TDRD3: variants seen among roughly 807,000 people sequenced by gnomAD.
TDRD3 encodes the protein tudor domain containing 3.
In TDRD3, 45 loss-of-function variants were observed where a neutral mutation model predicts 86.7. The ratio of observed to expected loss-of-function variants is 0.52; its 90% CI spans 0.41 to 0.67. TDRD3 has a LOEUF of 0.67. TDRD3 is among the 30% of genes least tolerant of loss of function. The pLI, the probability that TDRD3 is intolerant of heterozygous loss-of-function variation, is 0.00. For missense variants in TDRD3, 814 were observed against 889.0 expected, an observed-to-expected ratio of 0.92 and a Z score of 1.07; for synonymous variants, 298 against 301.7, an observed-to-expected ratio of 0.99 and a Z score of 0.13.
chr13:60,536,692 C>G (rs569399636), intron 12 of TDRD3: 1 of 152,158 alleles, frequency 6.6e-6, no homozygotes, highest in East Asian at 1.9e-4. Context: ...TTTTAGAAGA[C>G]TTAGTAAGAG....
At chr13:60,517,278 C>A (rs1957193168) in intron 10 of TDRD3, among the ~76,000 whole-genome samples, 1 of 150,662 alleles carries the variant, frequency 6.6e-6, no homozygotes, top group Non-Finnish European at 1.5e-5. Context: ...AGGGACCTCA[C>A]AAAGGGAATG....
In TDRD3 at chr13:60,567,520, A is replaced by G; in HGVS notation, c.2119-5A>G. 3 of 1,614,088 alleles carry G rather than the reference A, an allele frequency of 1.9e-6. No individual in the cohort carries two copies. Among genetic ancestry groups the G allele is most frequent in the Non-Finnish European group, 1.7e-6 (2 of 1,180,006 alleles). On this transcript the variant is annotated splice_polypyrimidine_tract_variant and splice_region_variant and intron_variant, in intron 12 of 13. Coordinates refer to ENST00000377881, the MANE Select transcript of TDRD3 (RefSeq NM_001146070.2). ...ACATGTAAAATCACTACTCTTTGCA[A>G]ATAGGAGGAAGAAGGCACCTACGAT... is the stretch of plus-strand genomic sequence containing the variant.
At chr13:60,450,875 A>AT (rs1566200586) in intron 3 of TDRD3, among the ~76,000 whole-genome samples, 1 of 152,090 alleles carries the variant, frequency 6.6e-6, no homozygotes, top group Non-Finnish European at 1.5e-5. Flanking sequence ...TAGAGATGTG[A>AT]TTTTCAATGA....
At chr13:60,421,263 C>T (rs535753400) in intron 1 of TDRD3, among the ~76,000 whole-genome samples, 10 of 152,044 alleles carry the variant, frequency 6.6e-5, no homozygotes, top group Admixed American at 2.0e-4. Flanking sequence ...TGGCAGAAGA[C>T]GAAGGAGGAG....
intron 12 of TDRD3, among the ~76,000 whole-genome samples, chr13:60,566,021 T>A (rs936239426): frequency 6.6e-6 from 1 of 152,188 alleles, no homozygotes; most frequent in African/African-American, 2.4e-5. Flanking sequence ...AGTTATTTAA[T>A]TATACCAGAT....
chr13:60,477,031 T>C (rs9598135), intron 5 of TDRD3, among the ~76,000 whole-genome samples: 16,080 of 151,796 alleles, frequency 0.11, 1,167 homozygotes, highest in Non-Finnish European at 0.17. Context: ...TTTATTTGGA[T>C]GTCATATATT....
Position 60,471,358 on chromosome 13 carries a change from T to A in TDRD3, c.495+3979T>A, listed in dbSNP as rs1295131394. Among the ~76,000 whole-genome samples the A allele has an allele frequency of 2.0e-5, 3 of 152,200 alleles. No individual in the cohort carries two copies. In the East Asian group the frequency reaches 5.8e-4, roughly 29 times the overall value. ...AATTATTTGGCCATATATGAACAAA[T>A]TTATTTCTAGGTTATCTGTTCTGTT... On this transcript the variant is annotated intron_variant, in intron 5 of 13. Transcript: ENST00000377881.
intron 1 of TDRD3, among the ~76,000 whole-genome samples, chr13:60,439,222 TG>T (rs1392244303): frequency 6.6e-6 from 1 of 152,156 alleles, no homozygotes; most frequent in Non-Finnish European, 1.5e-5. Context: ...GAACCTTATG[TG>T]AAAGAAAGGG....
chr13:60,420,248 T>G (rs912006650), intron 1 of TDRD3, among the ~76,000 whole-genome samples: 1 of 152,156 alleles, frequency 6.6e-6, no homozygotes, highest in Non-Finnish European at 1.5e-5. Flanking sequence ...AGGAGTTGAT[T>G]ATATGTTCTA....
intron 13 of TDRD3, among the ~76,000 whole-genome samples, chr13:60,569,783 T>A (rs1354550169): frequency 6.6e-6 from 1 of 152,166 alleles, no homozygotes; most frequent in East Asian, 1.9e-4. Flanking sequence ...TACAGCCAAC[T>A]CATTCTTGAC....
intron 1 of TDRD3, among the ~76,000 whole-genome samples, chr13:60,404,288 T>C (rs919273997): frequency 9.9e-5 from 15 of 151,868 alleles, no homozygotes; most frequent in Admixed American, 2.0e-4. Context: ...AATTCGTTTT[T>C]GTTGTTGTTG....
intron 3 of TDRD3, among the ~76,000 whole-genome samples, chr13:60,447,645 C>T (rs1248055192): frequency 6.6e-6 from 1 of 151,996 alleles, no homozygotes; most frequent in Non-Finnish European, 1.5e-5. Context: ...TGGGTTTTGG[C>T]CCCAAACCCC....
At chr13:60,562,012 T>TA (rs1459857887) in intron 12 of TDRD3, among the ~76,000 whole-genome samples, 1 of 152,042 alleles carries the variant, frequency 6.6e-6, no homozygotes, top group Non-Finnish European at 1.5e-5. Context: ...GTAATCTTCA[T>TA]AGAGAATAAG....
chr13:60,447,535 T>A (rs1367783459), intron 3 of TDRD3, among the ~76,000 whole-genome samples: 1 of 152,206 alleles, frequency 6.6e-6, no homozygotes, highest in African/African-American at 2.4e-5. Flanking sequence ...AGTCTAAGAA[T>A]ATGTGAATCC....
intron 1 of TDRD3, among the ~76,000 whole-genome samples, chr13:60,402,544 C>T (rs1252689541): frequency 6.6e-6 from 1 of 152,056 alleles, no homozygotes; most frequent in Non-Finnish European, 1.5e-5. Flanking sequence ...TTATGATATA[C>T]CTTTAATTAC....
At chr13:60,564,369 G>A (rs991702730) in intron 12 of TDRD3, among the ~76,000 whole-genome samples, 3 of 152,104 alleles carry the variant, frequency 2.0e-5, no homozygotes, top group Admixed American at 6.5e-5. Flanking sequence ...AACTTGAAGC[G>A]GGGCTTCTAG....
intron 5 of TDRD3, among the ~76,000 whole-genome samples, chr13:60,478,007 T>C (rs527387668): frequency 1.3e-5 from 2 of 150,814 alleles, no homozygotes; most frequent in East Asian, 3.9e-4. Context: ...GGTCTAGGAT[T>C]TTTTTGGTTA....
At chr13:60,416,728 C>G (rs926266654) in intron 1 of TDRD3, among the ~76,000 whole-genome samples, 1 of 152,144 alleles carries the variant, frequency 6.6e-6, no homozygotes, top group African/African-American at 2.4e-5. Flanking sequence ...TGTGAGATAT[C>G]TTTCAAATTT....
At chr13:60,485,040 C>G (rs1197189112) in intron 6 of TDRD3, among the ~76,000 whole-genome samples, 1 of 151,982 alleles carries the variant, frequency 6.6e-6, no homozygotes, top group Admixed American at 6.6e-5. Context: ...CATCTTGCAG[C>G]CTTGTACATG....
Sources: allele counts gnomAD v4.1 joint callset (sites outside exome capture counted in the v4.1 genomes callset), GRCh38; gene constraint gnomAD v4.1.1; transcripts MANE v1.5; gene names NCBI Gene and HGNC (gene_info 2026-07-23, HGNC 2026-07-21).